Variants in TAFA1 observed in about 807,000 individuals in gnomAD.
TAFA1 encodes the protein chemokine-like protein TAFA-1.
A neutral mutation model predicts 18.5 loss-of-function variants in TAFA1; 4 were observed. The ratio of observed to expected loss-of-function variants is 0.22; its 90% CI spans 0.11 to 0.49. The LOEUF is 0.49. TAFA1 is among the 20% of genes least tolerant of loss of function. The probability of loss-of-function intolerance (pLI) is 0.98; values close to 1 mark genes in which losing one functional copy is unlikely to be tolerated. For synonymous variants in TAFA1, 56 were observed against 55.2 expected, an observed-to-expected ratio of 1.01 and a Z score of -0.06; for missense variants, 147 against 169.0, an observed-to-expected ratio of 0.87 and a Z score of 0.72.
At chr3:68,479,676 G>T (rs2072190750) in intron 3 of TAFA1, among the ~76,000 whole-genome samples, 2 of 152,146 alleles carry the variant, frequency 1.3e-5, no homozygotes, top group Admixed American at 1.3e-4. Flanking sequence ...GAAGGGCTAT[G>T]TGAATTCTGA....
At chr3:68,266,326 G>A (rs2067546076) in intron 2 of TAFA1, among the ~76,000 whole-genome samples, 1 of 152,112 alleles carries the variant, frequency 6.6e-6, no homozygotes, top group South Asian at 2.1e-4. Flanking sequence ...ACCTTTAATT[G>A]AAGAGATCTG....
intron 2 of TAFA1, 109 bp from the exon 3 acceptor site, chr3:68,417,171 T>C (rs1251855221): frequency 1.9e-5 from 15 of 800,844 alleles, no homozygotes; most frequent in East Asian, 1.8e-4. Context: ...ATGGAAACTG[T>C]TTCTATAATT....
At chr3:68,029,356 A>G (rs778265724) in intron 2 of TAFA1, among the ~76,000 whole-genome samples, 1 of 152,228 alleles carries the variant, frequency 6.6e-6, no homozygotes, top group Non-Finnish European at 1.5e-5. Flanking sequence ...TAACACTGAC[A>G]GCACATCTCA....
intron 3 of TAFA1, among the ~76,000 whole-genome samples, chr3:68,488,797 T>G (rs1015671354): frequency 2.6e-5 from 4 of 152,198 alleles, no homozygotes; most frequent in African/African-American, 9.6e-5. Context: ...CTGTTGGTGT[T>G]GATTGATTGT....
the TAFA1 span, among the ~76,000 whole-genome samples, chr3:67,993,439 A>G: frequency 9.8e-5 from 15 of 152,326 alleles, no homozygotes; most frequent in African/African-American, 3.4e-4. Context: ...GTATTTTCCA[A>G]TGATCTGGGA....
At chr3:68,172,547 G>A (rs2066069489) in intron 2 of TAFA1, among the ~76,000 whole-genome samples, 2 of 152,074 alleles carry the variant, frequency 1.3e-5, no homozygotes, top group African/African-American at 2.4e-5. Flanking sequence ...CCACTGCTAG[G>A]TATTTGCCAA....
chr3:68,226,275 G>T lies in TAFA1; in HGVS notation c.119-191005G>T, dbSNP rs568328301. On this transcript the variant is annotated intron_variant, in intron 2 of 4. Coordinates refer to ENST00000478136, the MANE Select transcript of TAFA1 (RefSeq NM_213609.4). ...CATGGGCAGGCTGATATGCTCCAAA[G>T]TGTCTGATATGCTTTCATGCCTATT... is the stretch of plus-strand genomic sequence containing the variant. 7.9e-5 allele frequency among the ~76,000 whole-genome samples: 12 copies of T among 152,292 alleles called. 1 individual carries two copies. The South Asian group carries it at 2.5e-3, about 32-fold the overall frequency.
intron 2 of TAFA1, among the ~76,000 whole-genome samples, chr3:68,258,788 TC>T (rs2067348700): frequency 6.6e-6 from 1 of 152,210 alleles, no homozygotes; most frequent in African/African-American, 2.4e-5. Context: ...TTCACTTTCT[TC>T]CTTGGGATGT....
At chr3:68,061,518 T>A (rs934147013) in intron 2 of TAFA1, among the ~76,000 whole-genome samples, 1 of 152,118 alleles carries the variant, frequency 6.6e-6, no homozygotes, top group Non-Finnish European at 1.5e-5. Flanking sequence ...GGCATATACA[T>A]CCTCAGAATT....
intron 2 of TAFA1, among the ~76,000 whole-genome samples, chr3:68,209,237 C>A (rs1438007545): frequency 2.0e-5 from 3 of 151,952 alleles, no homozygotes; most frequent in African/African-American, 7.2e-5. Context: ...GCAGAGGACC[C>A]AGCTAAAACA....
At chr3:68,487,865 A>G (rs1386669036) in intron 3 of TAFA1, among the ~76,000 whole-genome samples, 1 of 150,686 alleles carries the variant, frequency 6.6e-6, no homozygotes, top group Non-Finnish European at 1.5e-5. Context: ...TGAAACATTT[A>G]GAGTGTTGTA....
chr3:68,390,596 T>C (rs981071706), intron 2 of TAFA1, among the ~76,000 whole-genome samples: 1 of 152,186 alleles, frequency 6.6e-6, no homozygotes, highest in Non-Finnish European at 1.5e-5. Context: ...AGGTGCCTTA[T>C]ACAGGAGAGG....
rs2068877167 is a variant in TAFA1, at chr3:68,331,844, G to GACTTT, written c.119-85436_119-85435insACTTT. ...AAGAATGAACAATGGGTAAAGGATA[G>GACTTT]TCTTTTCTTTTCTTTTTTTTTTTTT... is the stretch of plus-strand genomic sequence containing the variant. On this transcript the variant is annotated intron_variant, in intron 2 of 4. Coordinates refer to ENST00000478136, the MANE Select transcript of TAFA1 (RefSeq NM_213609.4). 1.2e-3 allele frequency among the ~76,000 whole-genome samples: 153 copies of GACTTT among 127,986 alleles called. 4 individuals carry two copies. Among genetic ancestry groups the GACTTT allele is most frequent in the African/African-American group, 4.3e-3 (148 of 34,484 alleles). 84.0% of individuals were successfully genotyped at this position (127,986 alleles called of 152,430 possible).
chr3:68,222,863 G>T (rs2066748853), intron 2 of TAFA1, among the ~76,000 whole-genome samples: 1 of 151,888 alleles, frequency 6.6e-6, no homozygotes, highest in Admixed American at 6.6e-5. Flanking sequence ...AGTAGAGATG[G>T]GGTTTTACCA....
chr3:68,068,950 AAC>A (rs2064717875), intron 2 of TAFA1, among the ~76,000 whole-genome samples: 1 of 152,224 alleles, frequency 6.6e-6, no homozygotes, highest in Non-Finnish European at 1.5e-5. Flanking sequence ...GGTTGTCAGT[AAC>A]ACAGTTTCCT....
intron 2 of TAFA1, among the ~76,000 whole-genome samples, chr3:68,177,814 A>G (rs1387218587): frequency 6.6e-6 from 1 of 152,196 alleles, no homozygotes; most frequent in African/African-American, 2.4e-5. Context: ...TGATGGTAAT[A>G]ATAGTAGATA....
chr3:68,530,869 T>C (rs2073178486), intron 3 of TAFA1, among the ~76,000 whole-genome samples: 1 of 152,136 alleles, frequency 6.6e-6, no homozygotes, highest in Non-Finnish European at 1.5e-5. Flanking sequence ...AGTATTTGTG[T>C]TTGATATGAA....
intron 3 of TAFA1, among the ~76,000 whole-genome samples, chr3:68,507,899 A>G (rs889863235): frequency 1.3e-5 from 2 of 152,176 alleles, no homozygotes; most frequent in African/African-American, 4.8e-5. Context: ...ACAAAGTAGT[A>G]TTTATTTAGA....
chr3:68,361,137 G>A (rs1175850130), intron 2 of TAFA1, among the ~76,000 whole-genome samples: 1 of 151,710 alleles, frequency 6.6e-6, no homozygotes, highest in Non-Finnish European at 1.5e-5. Flanking sequence ...GCATCACGAA[G>A]TGTTGAGCAA....
Sources: gnomAD v4.1 joint callset for allele counts (sites outside exome capture counted in the v4.1 genomes callset) on GRCh38, gnomAD v4.1.1 for gene constraint, MANE v1.5 for transcripts, NCBI Gene and HGNC (gene_info 2026-07-23, HGNC 2026-07-21) for gene names.